The following CCDC92 variants were observed in gnomAD, a reference collection of about 807,000 sequenced individuals.
CCDC92 encodes the protein coiled-coil domain containing 92, also known as coiled-coil domain-containing protein 92.
In CCDC92, 12 loss-of-function variants were observed where a neutral mutation model predicts 24.9. That is an observed-to-expected ratio of 0.48 (90% CI 0.31 to 0.78). CCDC92 has a LOEUF of 0.78. Ranked by LOEUF, CCDC92 falls within the 30% of genes least tolerant of loss-of-function variation. The probability of loss-of-function intolerance (pLI) is 0.05; values close to 1 mark genes in which losing one functional copy is unlikely to be tolerated. For missense variants in CCDC92, 399 were observed against 439.4 expected (o/e 0.91, Z 0.82); for synonymous variants, 193 against 196.3 (o/e 0.98, Z 0.14).
chr12:123,937,960 G>C lies in CCDC92; in HGVS notation c.224-130C>G. ...CTGTGGGGGCCATGCAGAAGGCAGGGCTGTGGGGGCTCTGGAAAGACCCCT... is the reference window on the plus strand; with the variant it reads ...CTGTGGGGGCCATGCAGAAGGCAGGCCTGTGGGGGCTCTGGAAAGACCCCT... On this transcript the variant is annotated intron_variant, in intron 4 of 4. Transcript: ENST00000238156. This position sits in a 1 kb window ranked among gnomAD's most constrained non-coding sequence, Gnocchi z 8.4. 1.1e-6 allele frequency: 1 copy of C among 907,486 alleles called. No individual in the cohort carries two copies. The highest frequency in any genetic ancestry group is 2.5e-5 in the East Asian group (1 of 40,198). The allele number at this position is 907,486 out of a possible 1,614,324, so 56.2% of individuals were successfully genotyped here. A position where few individuals can be genotyped will look rare whatever the true frequency, so the allele number is the denominator to read the frequency against.
chr12:123,949,213 AG>A (rs1955960834), intron 1 of CCDC92, among the ~76,000 whole-genome samples: 1 of 152,234 alleles, frequency 6.6e-6, no homozygotes, highest in Admixed American at 6.5e-5. Flanking sequence ...CCAGGAATGG[AG>A]GGCAGCTCAT....
rs200736254 is a variant in CCDC92, at chr12:123,943,339, C to T, written c.181+8G>A. ...CCCCCGCCTGCCCGGGCCTGCTCCC[C>T]GATGTACCTGTGCAGTGCTGCTGCA... On this transcript the variant is annotated splice_region_variant and intron_variant, in intron 3 of 4. Coordinates refer to ENST00000238156, the MANE Select transcript of CCDC92 (RefSeq NM_025140.3). 59 of 1,611,636 alleles carry T rather than the reference C, an allele frequency of 3.7e-5. No homozygotes were observed. Among genetic ancestry groups the T allele is most frequent in the South Asian group, 6.6e-5 (6 of 91,074 alleles).
intron 1 of CCDC92, among the ~76,000 whole-genome samples, chr12:123,955,486 T>C (rs1418896597): frequency 3.9e-4 from 60 of 152,252 alleles, no homozygotes; most frequent in Non-Finnish European, 7.3e-5. Context: ...CAAGGAGATG[T>C]GTTCCCTTGC....
intron 1 of CCDC92, chr12:123,961,201 T>C (rs1453420145): frequency 6.6e-6 from 1 of 152,232 alleles, no homozygotes; most frequent in African/African-American, 2.4e-5. Context: ...TATCTACCTG[T>C]CTCTCCTGCA....
intron 4 of CCDC92, among the ~76,000 whole-genome samples, chr12:123,939,106 T>G (rs1252891621): frequency 2.6e-5 from 4 of 152,200 alleles, no homozygotes; most frequent in African/African-American, 9.6e-5. Flanking sequence ...AAAGCTTCCA[T>G]CACTCTCCCC....
chr12:123,963,148 CACA>C (rs1956313470), intron 1 of CCDC92, among the ~76,000 whole-genome samples: 1 of 152,186 alleles, frequency 6.6e-6, no homozygotes. Flanking sequence ...AGGACAGCCC[CACA>C]ACAAGGGCAA....
chr12:123,962,359 T>G lies in CCDC92; in HGVS notation c.-60+10170A>C, dbSNP rs145244461. 1.1e-3 allele frequency among the ~76,000 whole-genome samples: 175 copies of G among 152,378 alleles called. 2 individuals are homozygous for G. Among genetic ancestry groups the G allele is most frequent in the African/African-American group, 3.8e-3 (158 of 41,592 alleles). The stretch of plus-strand genomic sequence containing the variant: ...AAGACACCTGGGCTTTATAGATTGT[T>G]GCTGAATCCTTTAAAATACAGCTTT... On this transcript the variant is annotated intron_variant, in intron 1 of 4. Coordinates refer to ENST00000238156, the MANE Select transcript of CCDC92 (RefSeq NM_025140.3).
At chr12:123,958,875 C>T (rs1029644610) in intron 1 of CCDC92, among the ~76,000 whole-genome samples, 2 of 152,240 alleles carry the variant, frequency 1.3e-5, no homozygotes, top group Non-Finnish European at 2.9e-5. Flanking sequence ...GACAGGCCTA[C>T]ATTTTTCCTG....
chr12:123,942,660 TAA>T, intron 4 of CCDC92, 82 bp downstream of exon 4: 1 of 1,024,892 alleles, frequency 9.8e-7, no homozygotes, highest in East Asian at 2.4e-5. Context: ...CATTTTCTCC[TAA>T]GTGTGTGACT....
Position 123,936,975 on chromosome 12 carries a change from G to A in CCDC92, c.*83C>T. On this transcript the variant is annotated 3_prime_UTR_variant, in exon 5 of 5. Coordinates refer to ENST00000238156, the MANE Select transcript of CCDC92 (RefSeq NM_025140.3). ...GGTGTGAAAAGTGTTTGGCATGCAT[G>A]GGATTAAACAGAAAAGGTGTGGCTG... The A allele has an allele frequency of 5.4e-6, 8 of 1,487,310 alleles. No homozygotes were observed. Among genetic ancestry groups the A allele is most frequent in the Non-Finnish European group, 7.4e-6 (8 of 1,084,544 alleles). 92.1% of individuals were successfully genotyped at this position (1,487,310 alleles called of 1,614,324 possible).
At chr12:123,944,178 G>T (rs1955776005) in intron 2 of CCDC92, 94 bp downstream of exon 2, 8 of 799,170 alleles carry the variant, frequency 1.0e-5, no homozygotes, top group Non-Finnish European at 1.6e-5. Context: ...GGGGCCAGGG[G>T]GTGGTGCAGG....
chr12:123,948,490 A>C (rs1024392039), intron 1 of CCDC92, among the ~76,000 whole-genome samples: 7 of 152,356 alleles, frequency 4.6e-5, no homozygotes, highest in Admixed American at 2.0e-4. Flanking sequence ...AGCCTGGAGA[A>C]GAAACGGCAG....
intron 1 of CCDC92, among the ~76,000 whole-genome samples, chr12:123,959,186 ACCT>A (rs1160491289): frequency 6.6e-6 from 1 of 152,152 alleles, no homozygotes; most frequent in Non-Finnish European, 1.5e-5. Context: ...CAGTATCTAC[ACCT>A]CATTAGGATG....
chr12:123,957,900 T>G (rs1457525136), intron 1 of CCDC92, among the ~76,000 whole-genome samples: 1 of 151,334 alleles, frequency 6.6e-6, no homozygotes. Flanking sequence ...AGACACGGAG[T>G]TTCGCCATGG....
intron 2 of CCDC92, chr12:123,944,069 G>C (rs1955772382): frequency 7.6e-6 from 4 of 527,810 alleles, no homozygotes; most frequent in East Asian, 6.6e-5. Context: ...CAAAGTAGGA[G>C]GGAGAGATGG....
At chr12:123,969,298 A>T (rs926402134) in intron 1 of CCDC92, among the ~76,000 whole-genome samples, 57 of 152,266 alleles carry the variant, frequency 3.7e-4, no homozygotes, top group African/African-American at 1.4e-3. Flanking sequence ...AGCATATTTT[A>T]AAAACCATGC....
intron 1 of CCDC92, among the ~76,000 whole-genome samples, chr12:123,949,267 G>A (rs1329478587): frequency 6.6e-6 from 1 of 152,196 alleles, no homozygotes. Context: ...GTGTCAAAAG[G>A]GCATACGCTA....
intron 1 of CCDC92, among the ~76,000 whole-genome samples, chr12:123,967,628 G>C (rs901058830): frequency 3.3e-5 from 5 of 152,214 alleles, no homozygotes; most frequent in Admixed American, 6.5e-5. Context: ...AGATAATTAT[G>C]CTATGTATGA....
chr12:123,954,222 G>T (rs1956097792), intron 1 of CCDC92, among the ~76,000 whole-genome samples: 1 of 152,116 alleles, frequency 6.6e-6, no homozygotes. Flanking sequence ...AATAATTAAT[G>T]GGAAGGTAGT....
Sources: gnomAD v4.1 joint callset for allele counts (sites outside exome capture counted in the v4.1 genomes callset) on GRCh38, gnomAD v4.1.1 for gene constraint, Gnocchi (gnomAD v3.1) non-coding constraint, MANE v1.5 for transcripts, NCBI Gene and HGNC (gene_info 2026-07-23, HGNC 2026-07-21) for gene names.